The following RHOBTB2 variants were observed in gnomAD, a reference collection of about 807,000 sequenced individuals.
RHOBTB2 encodes rho-related BTB domain-containing protein 2.
A neutral mutation model predicts 66.5 loss-of-function variants in RHOBTB2; 39 were observed. The ratio of observed to expected loss-of-function variants is 0.59; its 90% CI spans 0.45 to 0.77. The LOEUF is 0.77. Ranked by LOEUF, RHOBTB2 falls within the 30% of genes least tolerant of loss-of-function variation. The pLI is 0.00. For synonymous variants in RHOBTB2, 390 were observed against 395.0 expected (o/e 0.99, Z 0.15); for missense variants, 755 against 999.1 (o/e 0.76, Z 3.29).
At chr8:22,957,149 T>G in the RHOBTB2 span, among the ~76,000 whole-genome samples, 3 of 152,068 alleles carry the variant, frequency 2.0e-5, no homozygotes, top group African/African-American at 4.8e-5. Context: ...CACAATTAGG[T>G]TGAGGTGATA....
At chr8:22,952,537 A>C in the RHOBTB2 span, among the ~76,000 whole-genome samples, 1,473 of 152,306 alleles carry the variant, frequency 9.7e-3, 19 homozygotes, top group African/African-American at 0.026. Context: ...CCTTAGAAGA[A>C]GGAATTTACC....
rs1212008105 is a variant in RHOBTB2, at chr8:23,017,410, T to G, written c.2125T>G (p.Ser709Ala). The change falls in exon 10 of 10, where the codon TCC (serine) becomes GCC (alanine). Residue 709 changes from serine (S) to alanine (A), a missense_variant. Transcript: ENST00000251822. The surrounding 1 kb of genome is among the most constrained non-coding windows in gnomAD (Gnocchi z 5.3). ...RRWLFWNSPS[S>A]PSSSAASSSS... Reference sequence around the variant, plus strand: ...TTGGCTCTTCTGGAACAGTCCATCCTCCCCGTCTTCCTCGGCAGCCTCCTC... The same window carrying G: ...TTGGCTCTTCTGGAACAGTCCATCCGCCCCGTCTTCCTCGGCAGCCTCCTC... The G allele has an allele frequency of 6.2e-6, 10 of 1,613,366 alleles. No individual in the cohort carries two copies. Among genetic ancestry groups the G allele is most frequent in the Non-Finnish European group, 7.6e-6 (9 of 1,179,698 alleles).
At chr8:22,963,503 C>T in the RHOBTB2 span, among the ~76,000 whole-genome samples, 1 of 151,094 alleles carries the variant, frequency 6.6e-6, no homozygotes, top group Non-Finnish European at 1.5e-5. Flanking sequence ...ACAAAGCTAG[C>T]GCAAGTGTAA....
the RHOBTB2 span, among the ~76,000 whole-genome samples, chr8:22,966,039 C>A: frequency 6.6e-6 from 1 of 152,104 alleles, no homozygotes; most frequent in African/African-American, 2.4e-5. Flanking sequence ...TGGATTAATA[C>A]TCAGAATATA....
intron 1 of RHOBTB2, 62 bp downstream of exon 1, chr8:23,000,167 T>TCCGCC (rs1810730146): frequency 1.3e-5 from 13 of 974,254 alleles, no homozygotes; most frequent in Non-Finnish European, 1.6e-5. Flanking sequence ...GACGCGCCGC[T>TCCGCC]CCGCCCTCCC....
chr8:23,012,944 C>T (rs549942648), intron 7 of RHOBTB2, among the ~76,000 whole-genome samples: 1 of 152,214 alleles, frequency 6.6e-6, no homozygotes, highest in Admixed American at 6.5e-5. Context: ...GCTGGGACTA[C>T]AGGCATACAC....
the RHOBTB2 span, among the ~76,000 whole-genome samples, chr8:22,953,614 AT>A: frequency 6.6e-6 from 1 of 152,214 alleles, no homozygotes; most frequent in Non-Finnish European, 1.5e-5. Context: ...AAATGAGGAA[AT>A]TAATTTCAAT....
upstream of RHOBTB2, among the ~76,000 whole-genome samples, chr8:22,982,452 T>C (rs1234137324): frequency 6.6e-6 from 1 of 152,014 alleles, no homozygotes; most frequent in Non-Finnish European, 1.5e-5. Flanking sequence ...AGAAACCCTG[T>C]CTCTACTAAA....
intron 2 of RHOBTB2, among the ~76,000 whole-genome samples, chr8:22,994,296 C>T (rs914065921): frequency 6.6e-6 from 1 of 152,200 alleles, no homozygotes; most frequent in Non-Finnish European, 1.5e-5. Context: ...GCTCAGTATC[C>T]ACAAATGCCT....
chr8:22,951,169 A>G, the RHOBTB2 span, among the ~76,000 whole-genome samples: 1 of 151,866 alleles, frequency 6.6e-6, no homozygotes. Context: ...TTTCTAAGAC[A>G]AAAAGGTTTA....
the RHOBTB2 span, among the ~76,000 whole-genome samples, chr8:22,978,765 AT>A: frequency 6.6e-6 from 1 of 152,202 alleles, no homozygotes; most frequent in Non-Finnish European, 1.5e-5. Flanking sequence ...TTACGAGTAA[AT>A]ATCTGATAAA....
the RHOBTB2 span, among the ~76,000 whole-genome samples, chr8:22,960,025 A>G: frequency 1.4e-5 from 2 of 147,494 alleles, no homozygotes; most frequent in African/African-American, 2.5e-5. Flanking sequence ...AAAAAAATAC[A>G]AAAAAAACCT....
At chr8:23,002,797 G>A (rs1192775093) in intron 1 of RHOBTB2, among the ~76,000 whole-genome samples, 3 of 152,226 alleles carry the variant, frequency 2.0e-5, no homozygotes, top group Non-Finnish European at 4.4e-5. Flanking sequence ...TGGAGACCTC[G>A]TTGAAGGGTC....
At chr8:23,003,368 C>G (rs904769491) in intron 1 of RHOBTB2, among the ~76,000 whole-genome samples, 1 of 152,250 alleles carries the variant, frequency 6.6e-6, no homozygotes, top group Admixed American at 6.5e-5. Context: ...CTCTGCTCAA[C>G]ATCGAAGGCA....
At chr8:22,953,484 A>T in the RHOBTB2 span, among the ~76,000 whole-genome samples, 101 of 152,312 alleles carry the variant, frequency 6.6e-4, no homozygotes, top group African/African-American at 2.4e-3. Flanking sequence ...ACAATATCAG[A>T]CCTTGCTCTT....
the RHOBTB2 span, among the ~76,000 whole-genome samples, chr8:22,962,975 C>G: frequency 6.6e-6 from 1 of 152,178 alleles, no homozygotes; most frequent in African/African-American, 2.4e-5. Context: ...CACTAGTGGC[C>G]ACAGAAGTGC....
intron 2 of RHOBTB2, among the ~76,000 whole-genome samples, chr8:22,992,773 T>G (rs1008035056): frequency 6.6e-6 from 1 of 152,238 alleles, no homozygotes; most frequent in Non-Finnish European, 1.5e-5. Context: ...TGCCCCAATT[T>G]CTTTACTGAA....
In RHOBTB2 at chr8:23,018,915, G is replaced by A. The variant is rs1211604799; in HGVS notation, c.*1446G>A. The A allele has an allele frequency of 2.0e-5, 3 of 152,864 alleles. No individual in the cohort carries two copies. The highest frequency in any genetic ancestry group is 1.3e-4 in the Admixed American group (2 of 15,288). 9.5% of individuals were successfully genotyped at this position (152,864 alleles called of 1,614,324 possible). A position where few individuals can be genotyped will look rare whatever the true frequency, so the allele number is the denominator to read the frequency against. On this transcript the variant is annotated 3_prime_UTR_variant, in exon 10 of 10. Coordinates refer to ENST00000251822, the MANE Select transcript of RHOBTB2 (RefSeq NM_015178.3). The stretch of plus-strand genomic sequence containing the variant: ...AAAGCAGAGTTGGTCTAGAGAGGAG[G>A]AGGGCGGGGCTGGAGGAATGTGGGG...
rs750966790 is a variant in RHOBTB2, at chr8:23,020,161, G to A, written c.*2692G>A. The A allele has an allele frequency of 2.9e-5, 12 of 408,964 alleles. No individual in the cohort carries two copies. The highest frequency in any genetic ancestry group is 2.8e-5 in the Admixed American group (1 of 35,528). The allele number at this position is 408,964 out of a possible 1,614,324, so 25.3% of individuals were successfully genotyped here. ...TTATATAAGGTTTCATATTTAATTTGGTCATGGATTCATAAATACATAAGT... is the reference window on the plus strand; with the variant it reads ...TTATATAAGGTTTCATATTTAATTTAGTCATGGATTCATAAATACATAAGT... On this transcript the variant is annotated 3_prime_UTR_variant, in exon 10 of 10. Coordinates refer to ENST00000251822, the MANE Select transcript of RHOBTB2 (RefSeq NM_015178.3).
Sources: allele counts gnomAD v4.1 joint callset (sites outside exome capture counted in the v4.1 genomes callset), GRCh38; gene constraint gnomAD v4.1.1; non-coding constraint Gnocchi (gnomAD v3.1); transcripts MANE v1.5; gene names NCBI Gene and HGNC (gene_info 2026-07-23, HGNC 2026-07-21).